Variants in ARHGAP15 observed in about 807,000 individuals in gnomAD.
The protein encoded by ARHGAP15 is Rho GTPase activating protein 15, also known as rho GTPase-activating protein 15.
ARHGAP15 carries 51 observed loss-of-function variants against 63.7 expected under a neutral mutation model. The ratio of observed to expected loss-of-function variants is 0.80; its 90% confidence interval spans 0.64 to 1.01. ARHGAP15 has a LOEUF of 1.01. ARHGAP15 is among the 50% of genes least tolerant of loss of function. The pLI, the probability that ARHGAP15 is intolerant of heterozygous loss-of-function variation, is 0.00. For missense variants in ARHGAP15, 560 were observed against 564.6 expected (o/e 0.99, Z 0.08); for synonymous variants, 191 against 193.8 (o/e 0.99, Z 0.12).
At chr2:143,604,129 G>A (rs543585631) in intron 11 of ARHGAP15, among the ~76,000 whole-genome samples, 10 of 152,216 alleles carry the variant, frequency 6.6e-5, no homozygotes, top group African/African-American at 2.4e-4. Flanking sequence ...TTAGGCTGAA[G>A]ACAGCCACAG....
At chr2:143,396,663 G>T (rs1438115457) in intron 6 of ARHGAP15, among the ~76,000 whole-genome samples, 3 of 150,298 alleles carry the variant, frequency 2.0e-5, no homozygotes, top group Non-Finnish European at 1.5e-5. Context: ...TTCCTGAATG[G>T]TTTCATGAAC....
At position 143,462,773 on chromosome 2, in the gene ARHGAP15, A is replaced by AGATG. The variant is rs34875897; in HGVS notation, c.704-24573_704-24570dup. ...GTACTACTACTAGTAAGATGTAGTAAGATGGATGGATGGATGGATGGATGG... is the reference window on the plus strand; with the variant it reads ...GTACTACTACTAGTAAGATGTAGTAAGATGGATGGATGGATGGATGGATGGATGG... On this transcript the variant is annotated intron_variant, in intron 8 of 13. Coordinates refer to ENST00000295095, the MANE Select transcript of ARHGAP15 (RefSeq NM_018460.4). Among the ~76,000 whole-genome samples the AGATG allele has an allele frequency of 9.0e-3, 1,370 of 152,128 alleles. 3 individuals carry two copies. The highest frequency in any genetic ancestry group is 0.018 in the East Asian group (95 of 5,182).
At chr2:143,257,700 C>A (rs1004994) in intron 6 of ARHGAP15, among the ~76,000 whole-genome samples, 10 of 152,040 alleles carry the variant, frequency 6.6e-5, no homozygotes, top group Admixed American at 5.9e-4. Context: ...TGGCTTGCAA[C>A]GCACTTTCTC....
intron 11 of ARHGAP15, among the ~76,000 whole-genome samples, chr2:143,575,268 A>T (rs1696633097): frequency 6.6e-6 from 1 of 152,126 alleles, no homozygotes. Flanking sequence ...CATTGGAGGC[A>T]TGGATTTTAA....
At chr2:143,178,286 A>G (rs552694172) in intron 2 of ARHGAP15, among the ~76,000 whole-genome samples, 1 of 152,326 alleles carries the variant, frequency 6.6e-6, no homozygotes, top group Admixed American at 6.5e-5. Context: ...TTCAAAAATT[A>G]TAGTTATTTT....
chr2:143,449,126 T>C (rs980899646), intron 8 of ARHGAP15, among the ~76,000 whole-genome samples: 1 of 152,040 alleles, frequency 6.6e-6, no homozygotes, highest in Non-Finnish European at 1.5e-5. Context: ...TTACACTGCC[T>C]TGTAACTTTT....
intron 2 of ARHGAP15, among the ~76,000 whole-genome samples, chr2:143,162,966 T>C (rs947243550): frequency 8.5e-5 from 13 of 152,078 alleles, no homozygotes; most frequent in African/African-American, 3.1e-4. Flanking sequence ...TTTACATTTA[T>C]TTATGCCTGT....
At chr2:143,632,417 T>C (rs1200725853) in intron 12 of ARHGAP15, among the ~76,000 whole-genome samples, 1 of 152,128 alleles carries the variant, frequency 6.6e-6, no homozygotes. Context: ...TAAATTGAGA[T>C]AGTAATGATG....
At chr2:143,259,450 C>T (rs1680602482) in intron 6 of ARHGAP15, among the ~76,000 whole-genome samples, 1 of 152,070 alleles carries the variant, frequency 6.6e-6, no homozygotes, top group South Asian at 2.1e-4. Flanking sequence ...AAAATGCTGG[C>T]TTCATTACGA....
chr2:143,378,056 A>G (rs955362161), intron 6 of ARHGAP15, among the ~76,000 whole-genome samples: 10 of 152,054 alleles, frequency 6.6e-5, no homozygotes, highest in African/African-American at 2.4e-4. Flanking sequence ...GCAGAAAGGA[A>G]AATAAACATA....
intron 1 of ARHGAP15, among the ~76,000 whole-genome samples, chr2:143,136,628 G>T (rs1689154566): frequency 6.6e-6 from 1 of 151,880 alleles, no homozygotes; most frequent in South Asian, 2.1e-4. Context: ...TACTTTGAGG[G>T]CATGAAAACC....
chr2:143,343,755 C>A (rs1685157801), intron 6 of ARHGAP15, among the ~76,000 whole-genome samples: 1 of 152,054 alleles, frequency 6.6e-6, no homozygotes, highest in Non-Finnish European at 1.5e-5. Flanking sequence ...TTTTTCAGGG[C>A]ATTAAAATTG....
In ARHGAP15 at chr2:143,446,938, T is replaced by C. The variant is rs561020135; in HGVS notation, c.703+9896T>C. On this transcript the variant is annotated intron_variant, in intron 8 of 13. Transcript: ENST00000295095. ...ATGATGATTTCCAATTTCATCCATG[T>C]CCCTACAAAGGACATGAACTCCTCA... Among the ~76,000 whole-genome samples, 175 of 152,282 alleles carry C rather than the reference T, an allele frequency of 1.1e-3. 1 individual carries two copies. The highest frequency in any genetic ancestry group is 4.0e-3 in the African/African-American group (166 of 41,560).
chr2:143,340,092 C>G (rs545661032), intron 6 of ARHGAP15, among the ~76,000 whole-genome samples: 1 of 152,074 alleles, frequency 6.6e-6, no homozygotes, highest in East Asian at 1.9e-4. Context: ...AGAAGCAATA[C>G]GTATATGAAA....
At chr2:143,596,842 C>T (rs1253866060) in intron 11 of ARHGAP15, among the ~76,000 whole-genome samples, 2 of 151,982 alleles carry the variant, frequency 1.3e-5, no homozygotes, top group Non-Finnish European at 2.9e-5. Context: ...AAAATATTTC[C>T]AAAATTCCAG....
chr2:143,273,475 T>C (rs1466966665), intron 6 of ARHGAP15, among the ~76,000 whole-genome samples: 1 of 152,094 alleles, frequency 6.6e-6, no homozygotes, highest in Non-Finnish European at 1.5e-5. Flanking sequence ...AAAATGGTAA[T>C]ACCATCATAA....
intron 3 of ARHGAP15, among the ~76,000 whole-genome samples, chr2:143,213,035 C>T (rs931302222): frequency 1.3e-5 from 2 of 152,084 alleles, no homozygotes; most frequent in Non-Finnish European, 2.9e-5. Context: ...TCCCGTCCCC[C>T]CAGAAAAGGA....
chr2:143,454,422 A>T (rs571329129), intron 8 of ARHGAP15, among the ~76,000 whole-genome samples: 1 of 152,228 alleles, frequency 6.6e-6, no homozygotes, highest in Admixed American at 6.6e-5. Flanking sequence ...ATACAGTCTT[A>T]TGGGCAATCA....
chr2:143,713,546 A>C (rs928154051), intron 13 of ARHGAP15, among the ~76,000 whole-genome samples: 2 of 152,212 alleles, frequency 1.3e-5, no homozygotes, highest in Non-Finnish European at 2.9e-5. Context: ...GTCTTAACTC[A>C]TTCCAGCATT....
Sources: allele counts gnomAD v4.1 joint callset (sites outside exome capture counted in the v4.1 genomes callset), GRCh38; gene constraint gnomAD v4.1.1; transcripts MANE v1.5; gene names NCBI Gene and HGNC (gene_info 2026-07-23, HGNC 2026-07-21).